LRR1: variants seen among roughly 807,000 people sequenced by gnomAD.
LRR1 encodes leucine rich repeat protein 1.
In LRR1, 29 loss-of-function variants were observed where a neutral mutation model predicts 31.6. The ratio of observed to expected loss-of-function variants is 0.92; its 90% CI spans 0.68 to 1.25. The LOEUF is 1.25. Among genes scored for constraint, LRR1 ranks in the 50% most tolerant of loss-of-function variants. The pLI is 0.00. For missense variants in LRR1, 485 were observed against 487.2 expected (o/e 1.00, Z 0.04); for synonymous variants, 179 against 181.4 (o/e 0.99, Z 0.10).
chr14:49,601,777 C>A, intron 1 of LRR1: 1 of 706,466 alleles, frequency 1.4e-6, no homozygotes, highest in Non-Finnish European at 2.1e-6. Flanking sequence ...GCAGTAACAT[C>A]CACCACCAGC....
chr14:49,606,377 C>T (rs1322863311), intron 2 of LRR1, among the ~76,000 whole-genome samples: 2 of 152,098 alleles, frequency 1.3e-5, no homozygotes, highest in South Asian at 4.1e-4. Flanking sequence ...TCACTTGTGT[C>T]GCCCAGGCTG....
rs757966325 is a variant in LRR1 at position 49,599,176 on chromosome 14, G to A, written c.156G>A (p.Leu52=). 4.7e-5 allele frequency: 76 copies of A among 1,608,650 alleles called. No homozygotes were observed. In the Middle Eastern group the frequency reaches 8.3e-4, roughly 17 times the overall value. Residue 52 remains leucine, a synonymous_variant, in exon 1 of 4, where the codon CTG becomes CTA. Transcript: ENST00000298288. ...PVRAFLLIST[L]KDKRGTRYEL... is the part of the protein sequence containing the mutation. ...GAGCCTTCCTGCTCATCTCCACCCT[G>A]AAGGACAAGCGCGGGACCCGCTATG...
At position 49,607,884 on chromosome 14, in the gene LRR1, T is replaced by G. The variant is rs1449390026; in HGVS notation, c.767T>G (p.Leu256Arg). Residue 256 changes from leucine to arginine, a missense_variant, in exon 3 of 4, where the codon CTT (leucine) becomes CGT (arginine). Physicochemically the swap from Leu to Arg is moderately radical, Grantham distance 102. Transcript: ENST00000298288. ...CTCCAGGAACTTAAGAATTTAAAAC[T>G]TGACGATAATGAATTGATTCAATTT... ...CQLQELKNLKLDDNELIQFPC... is the reference protein window; with the variant it reads ...CQLQELKNLKRDDNELIQFPC... 6.2e-7 allele frequency: 1 copy of G among 1,612,922 alleles called. No individual in the cohort carries two copies. The highest frequency in any genetic ancestry group is 8.5e-7 in the Non-Finnish European group (1 of 1,179,312).
At chr14:49,608,243 A>G (rs1363154616) in intron 3 of LRR1, 122 bp downstream of exon 3, 1 of 1,055,404 alleles carries the variant, frequency 9.5e-7, no homozygotes, top group Non-Finnish European at 1.3e-6. Flanking sequence ...CCTTTGCTAT[A>G]ATGGTCTTCT....
intron 1 of LRR1, chr14:49,600,624 C>T: frequency 6.6e-7 from 1 of 1,505,880 alleles, no homozygotes; most frequent in Non-Finnish European, 8.9e-7. Context: ...GAAACATCTT[C>T]AGTGGCCAAG....
At chr14:49,611,728 G>A (rs1397827172) in intron 3 of LRR1, among the ~76,000 whole-genome samples, 1 of 152,236 alleles carries the variant, frequency 6.6e-6, no homozygotes, top group East Asian at 1.9e-4. Flanking sequence ...TTTGAGACCA[G>A]CAGGGCTAAT....
intron 3 of LRR1, among the ~76,000 whole-genome samples, chr14:49,612,274 G>A (rs1882540791): frequency 6.6e-6 from 1 of 152,114 alleles, no homozygotes; most frequent in African/African-American, 2.4e-5. Context: ...ATAATGTTGC[G>A]TGTTTTAAGC....
intron 1 of LRR1, among the ~76,000 whole-genome samples, 165 bp downstream of exon 1, chr14:49,599,368 C>T (rs1481587883): frequency 6.6e-6 from 1 of 152,226 alleles, no homozygotes; most frequent in Non-Finnish European, 1.5e-5. Flanking sequence ...CCCCAGGGTC[C>T]TGTGCGTCTT....
intron 1 of LRR1, among the ~76,000 whole-genome samples, chr14:49,599,784 C>T (rs1009152838): frequency 2.0e-5 from 3 of 146,448 alleles, no homozygotes; most frequent in Non-Finnish European, 4.6e-5. Context: ...GGGCGGGGAT[C>T]CGGGCGGCGA....
intron 1 of LRR1, among the ~76,000 whole-genome samples, chr14:49,599,600 C>G (rs1881957130): frequency 6.6e-6 from 1 of 150,474 alleles, no homozygotes; most frequent in South Asian, 2.1e-4. Context: ...TTCTTTCTCC[C>G]ACAATATTCT....
chr14:49,601,152 A>G, intron 1 of LRR1: 1 of 1,601,454 alleles, frequency 6.2e-7, no homozygotes, highest in Non-Finnish European at 8.5e-7. Flanking sequence ...ATCAAAAAAG[A>G]ACAAATGTTT....
rs577940037 is a variant in LRR1, at chr14:49,600,472, A to G, written c.183+1269A>G. 4,027 of 1,588,566 alleles carry G rather than the reference A, an allele frequency of 2.5e-3. 9 individuals carry two copies. The highest frequency in any genetic ancestry group is 3.2e-3 in the Non-Finnish European group (3,751 of 1,159,056). On this transcript the variant is annotated intron_variant, in intron 1 of 3. Transcript: ENST00000298288. Reference sequence around the variant, plus strand: ...GCAAAAGAGATAGGAGCATGCTGCTATGTGGAATGTTCAGCTTTAACCCAG... The same window carrying G: ...GCAAAAGAGATAGGAGCATGCTGCTGTGTGGAATGTTCAGCTTTAACCCAG...
chr14:49,606,744 C>T (rs762046519), intron 2 of LRR1, among the ~76,000 whole-genome samples: 1 of 151,744 alleles, frequency 6.6e-6, no homozygotes, highest in Non-Finnish European at 1.5e-5. Context: ...GCAACCTCCG[C>T]CTCCCGGGTT....
intron 2 of LRR1, among the ~76,000 whole-genome samples, chr14:49,602,773 A>C (rs1306033308): frequency 6.6e-6 from 1 of 152,140 alleles, no homozygotes; most frequent in African/African-American, 2.4e-5. Flanking sequence ...TGTTGGGATT[A>C]TAAGCATGAG....
chr14:49,608,899 C>CTTTTTT lies in LRR1; in HGVS notation c.1004+800_1004+805dup, dbSNP rs34457930. On this transcript the variant is annotated intron_variant, in intron 3 of 3. Transcript: ENST00000298288. ...TCACCACTTTGTATGACTTTAACCTCTTTTTTTTTTTTTTTTTTTTTTTTT... is the reference window on the plus strand; with the variant it reads ...TCACCACTTTGTATGACTTTAACCTCTTTTTTTTTTTTTTTTTTTTTTTTTTTTTTT... Among the ~76,000 whole-genome samples, 17 of 71,542 alleles carry CTTTTTT rather than the reference C, an allele frequency of 2.4e-4. 1 individual carries two copies. The highest frequency in any genetic ancestry group is 9.0e-4 in the African/African-American group (15 of 16,644). 46.9% of individuals were successfully genotyped at this position (71,542 alleles called of 152,430 possible).
chr14:49,604,194 A>G (rs1882200897), intron 2 of LRR1, among the ~76,000 whole-genome samples: 1 of 151,540 alleles, frequency 6.6e-6, no homozygotes, highest in Non-Finnish European at 1.5e-5. Flanking sequence ...GGTGCCAGCT[A>G]CTTGGGAGCC....
intron 3 of LRR1, among the ~76,000 whole-genome samples, chr14:49,610,723 C>T (rs959977660): frequency 6.0e-5 from 9 of 150,362 alleles, no homozygotes; most frequent in East Asian, 5.8e-4. Flanking sequence ...TGACCATGGC[C>T]GGCTAAATTT....
At chr14:49,604,413 C>G (rs1882208365) in intron 2 of LRR1, among the ~76,000 whole-genome samples, 2 of 152,072 alleles carry the variant, frequency 1.3e-5, no homozygotes, top group Admixed American at 1.3e-4. Context: ...AAGTTAGAAC[C>G]TGGAGGCCAG....
chr14:49,605,968 T>G (rs750973017), intron 2 of LRR1, among the ~76,000 whole-genome samples: 1 of 152,182 alleles, frequency 6.6e-6, no homozygotes, highest in Non-Finnish European at 1.5e-5. Flanking sequence ...GTCCTCATAC[T>G]GTATTTCCAA....
Sources: allele counts gnomAD v4.1 joint callset (sites outside exome capture counted in the v4.1 genomes callset), GRCh38; gene constraint gnomAD v4.1.1; transcripts MANE v1.5; gene names NCBI Gene and HGNC (gene_info 2026-07-23, HGNC 2026-07-21).